The following SAXO1 variants were observed in gnomAD, a reference collection of about 807,000 sequenced individuals.
SAXO1 encodes 4930500O09Rik.
Under a neutral mutation model 17.5 loss-of-function variants are expected in SAXO1, and 21 were observed. That is an observed-to-expected ratio of 1.20 (90% CI 0.85 to 1.72). The LOEUF is 1.72. Among genes scored for constraint, SAXO1 ranks in the 40% most tolerant of loss-of-function variants. The pLI is 0.00. For missense variants in SAXO1, 843 were observed against 596.0 expected (o/e 1.41, Z -4.32); for synonymous variants, 274 against 216.5 (o/e 1.27, Z -2.33).
At chr9:18,998,543 G>A (rs7029524) in intron 1 of SAXO1, among the ~76,000 whole-genome samples, 9,412 of 152,112 alleles carry the variant, frequency 0.062, 873 homozygotes, top group African/African-American at 0.2. Context: ...AACACTCTTC[G>A]GGATATTATC....
chr9:18,942,847 AG>A (rs1831631098), intron 2 of SAXO1, among the ~76,000 whole-genome samples: 1 of 152,210 alleles, frequency 6.6e-6, no homozygotes, highest in South Asian at 2.1e-4. Flanking sequence ...TTCCCTCTGA[AG>A]GGTGTCTGTT....
intron 2 of SAXO1, among the ~76,000 whole-genome samples, chr9:18,948,874 T>A (rs542230633): frequency 2.2e-4 from 34 of 152,260 alleles, no homozygotes; most frequent in African/African-American, 6.7e-4. Context: ...GCAAATTGGA[T>A]ATAAAGAGAT....
At chr9:18,962,336 G>A (rs1399603306) in intron 1 of SAXO1, among the ~76,000 whole-genome samples, 1 of 152,214 alleles carries the variant, frequency 6.6e-6, no homozygotes, top group Non-Finnish European at 1.5e-5. Flanking sequence ...CCAAAGTGCT[G>A]GGATTACAGG....
intron 1 of SAXO1, among the ~76,000 whole-genome samples, chr9:19,040,857 A>C (rs913326184): frequency 6.6e-6 from 1 of 152,104 alleles, no homozygotes; most frequent in African/African-American, 2.4e-5. Context: ...TCTAAAATTG[A>C]GTGGTGGTAA....
At chr9:18,934,684 C>A (rs538137818) in intron 3 of SAXO1, among the ~76,000 whole-genome samples, 11 of 152,152 alleles carry the variant, frequency 7.2e-5, no homozygotes, top group Non-Finnish European at 1.2e-4. Flanking sequence ...TTTCTGTTGA[C>A]TGCTTTTTCC....
intron 1 of SAXO1, among the ~76,000 whole-genome samples, chr9:19,012,356 G>C (rs1005488208): frequency 2.6e-5 from 4 of 152,222 alleles, no homozygotes; most frequent in Non-Finnish European, 5.9e-5. Flanking sequence ...AGAGGCGCTA[G>C]GGCGCCTCAC....
chr9:18,990,524 T>G (rs1426703189), intron 1 of SAXO1, among the ~76,000 whole-genome samples: 1 of 152,114 alleles, frequency 6.6e-6, no homozygotes, highest in Non-Finnish European at 1.5e-5. Flanking sequence ...TGAGCCATGT[T>G]TGCACCACTA....
chr9:18,955,143 C>T (rs1832205279), intron 1 of SAXO1, among the ~76,000 whole-genome samples: 1 of 152,108 alleles, frequency 6.6e-6, no homozygotes, highest in Non-Finnish European at 1.5e-5. Flanking sequence ...CTGTAGTGTG[C>T]TATGATCTTG....
intron 1 of SAXO1, among the ~76,000 whole-genome samples, chr9:19,002,360 C>A (rs1331029442): frequency 6.6e-6 from 1 of 152,140 alleles, no homozygotes; most frequent in Non-Finnish European, 1.5e-5. Context: ...TTTCAAACAA[C>A]AGAAAAAGAG....
intron 1 of SAXO1, among the ~76,000 whole-genome samples, chr9:19,000,291 C>T (rs1179306941): frequency 3.3e-5 from 5 of 150,774 alleles, no homozygotes; most frequent in Admixed American, 2.0e-4. Context: ...TGCCCAGCCG[C>T]CCCACCCTCT....
intron 1 of SAXO1, among the ~76,000 whole-genome samples, chr9:19,038,809 G>C (rs1296899785): frequency 6.6e-6 from 1 of 151,758 alleles, no homozygotes; most frequent in African/African-American, 2.4e-5. Flanking sequence ...CCTTGTGAGG[G>C]AGCAGGGTGA....
At chr9:18,968,174 C>A (rs532625286) in intron 1 of SAXO1, among the ~76,000 whole-genome samples, 96 of 152,322 alleles carry the variant, frequency 6.3e-4, no homozygotes, top group African/African-American at 2.1e-3. Flanking sequence ...GAGCTGCAGA[C>A]TGGAGCTGCT....
intron 2 of SAXO1, among the ~76,000 whole-genome samples, chr9:18,948,597 G>T (rs942498361): frequency 1.3e-5 from 2 of 152,176 alleles, no homozygotes; most frequent in Non-Finnish European, 2.9e-5. Context: ...ATTTAGGACA[G>T]GTCAGAGGGT....
At chr9:19,007,537 T>A (rs1346009862) in intron 1 of SAXO1, among the ~76,000 whole-genome samples, 1 of 152,204 alleles carries the variant, frequency 6.6e-6, no homozygotes. Context: ...GTTTAGATTC[T>A]CCTTCCCTCT....
At chr9:18,937,176 G>A (rs549387101) in intron 3 of SAXO1, among the ~76,000 whole-genome samples, 5 of 152,300 alleles carry the variant, frequency 3.3e-5, no homozygotes, top group South Asian at 2.1e-4. Flanking sequence ...AGATAAGGGC[G>A]TGACCCCTCA....
intron 1 of SAXO1, among the ~76,000 whole-genome samples, chr9:18,995,708 C>T (rs1175936150): frequency 2.6e-5 from 4 of 152,202 alleles, no homozygotes; most frequent in African/African-American, 9.7e-5. Context: ...AACCACTGCA[C>T]ATTCATACCA....
Position 18,928,542 on chromosome 9 carries a change from G to T in SAXO1, c.935C>A (p.Thr312Lys). The stretch of plus-strand genomic sequence containing the variant: ...CTGAGCTGGGGCACCCTTAGGGCAT[G>T]TGTAATGGGCCTGCACTGTTGTCAG... ...DLLTTVQAHY[T>K]CPKGAPAQSC... The change falls in exon 4 of 4, where the codon ACA becomes AAA. Residue 312 changes from threonine to lysine, a missense_variant. Transcript: ENST00000380534. 6.2e-7 allele frequency: 1 copy of T among 1,614,082 alleles called. No individual in the cohort carries two copies. Among genetic ancestry groups the T allele is most frequent in the South Asian group, 1.1e-5 (1 of 91,068 alleles).
intron 1 of SAXO1, among the ~76,000 whole-genome samples, chr9:18,994,593 T>C (rs984264686): frequency 6.6e-6 from 1 of 152,258 alleles, no homozygotes. Flanking sequence ...GTATGTTCAA[T>C]GTTTTGAAGG....
intron 1 of SAXO1, among the ~76,000 whole-genome samples, chr9:18,986,721 G>A (rs530727688): frequency 1.3e-5 from 2 of 151,718 alleles, no homozygotes; most frequent in East Asian, 3.8e-4. Context: ...AGGAAGCAAG[G>A]GGGCAAAGAC....
Sources: gnomAD v4.1 joint callset for allele counts (sites outside exome capture counted in the v4.1 genomes callset) on GRCh38, gnomAD v4.1.1 for gene constraint, MANE v1.5 for transcripts, NCBI Gene and HGNC (gene_info 2026-07-23, HGNC 2026-07-21) for gene names.